The following FAS variants were observed in gnomAD, a reference collection of about 807,000 sequenced individuals.
FAS encodes the protein Fas cell surface death receptor.
FAS carries 5 observed loss-of-function variants against 33.2 expected under a neutral mutation model. The ratio of observed to expected loss-of-function variants is 0.15; its 90% CI spans 0.08 to 0.32. The LOEUF is 0.32. Ranked by LOEUF, FAS falls within the 10% of genes least tolerant of loss-of-function variation. FAS has a pLI of 1.00. For missense variants in FAS, 339 were observed against 386.0 expected (o/e 0.88, Z 1.02); for synonymous variants, 131 against 130.7 (o/e 1.00, Z -0.01).
chr10:88,993,200 C>T (rs186035382), intron 1 of FAS, among the ~76,000 whole-genome samples: 47 of 151,994 alleles, frequency 3.1e-4, no homozygotes, highest in African/African-American at 1.1e-3. Flanking sequence ...CCGACACTTA[C>T]AATAAAAAAG....
chr10:88,974,246 T>C (rs954657288), intron 2 of FAS: 1 of 149,292 alleles, frequency 6.7e-6, no homozygotes, highest in Non-Finnish European at 1.5e-5. Context: ...CTTGACTCTT[T>C]GGTGAAAAAA....
At chr10:88,990,595 C>T (rs902017811), upstream of FAS, 1 of 675,300 alleles carries the variant, frequency 1.5e-6, no homozygotes, top group South Asian at 1.5e-5. The surrounding 1 kb of genome is among the most constrained non-coding windows in gnomAD (Gnocchi z 4.9). Context: ...CGTTCCCCAG[C>T]GAGGCTTCCT....
chr10:89,009,451 T>A (rs1461095785), intron 4 of FAS, among the ~76,000 whole-genome samples: 1 of 152,180 alleles, frequency 6.6e-6, no homozygotes, highest in Non-Finnish European at 1.5e-5. Context: ...ATGGATGGAA[T>A]GCACATTATA....
intron 3 of FAS, 106 bp downstream of exon 3, chr10:89,007,943 C>A: frequency 1.3e-6 from 2 of 1,550,106 alleles, no homozygotes; most frequent in Non-Finnish European, 1.8e-6. Context: ...TATGTTGACA[C>A]ACAGGAAAGG....
Position 89,015,015 on chromosome 10 carries a change from A to C in FAS, c.*565A>C. On this transcript the variant is annotated 3_prime_UTR_variant, in exon 9 of 9. Coordinates refer to ENST00000652046, the MANE Select transcript of FAS (RefSeq NM_000043.6). ...ATTTAAATAAGGCTCTACCTCAAAG[A>C]CCTTTGCACAGTTTATTGGTGTCAT... 1.9e-6 allele frequency: 1 copy of C among 532,758 alleles called. No homozygotes were observed. The highest frequency in any genetic ancestry group is 3.6e-6 in the Non-Finnish European group (1 of 275,276). The allele number at this position is 532,758 out of a possible 1,614,324, so 33.0% of individuals were successfully genotyped here. A position where few individuals can be genotyped will look rare whatever the true frequency, so the allele number is the denominator to read the frequency against.
intron 1 of FAS, among the ~76,000 whole-genome samples, chr10:89,001,272 T>TC (rs1015378511): frequency 6.6e-6 from 1 of 151,944 alleles, no homozygotes; most frequent in African/African-American, 2.4e-5. Context: ...CCTTTTTTTT[T>TC]TTTTTTGTGC....
Position 88,990,831 on chromosome 10 carries a change from A to G in FAS, c.-46A>G, listed in dbSNP as rs1564669941. ...CCGCGGGTTGGTGGACCCGCTCAGT[A>G]CGGAGTTGGGGAAGCTCTTTCACTT... On this transcript the variant is annotated 5_prime_UTR_variant, in exon 1 of 9. Coordinates refer to ENST00000652046, the MANE Select transcript of FAS (RefSeq NM_000043.6). The surrounding 1 kb of genome is among the most constrained non-coding windows in gnomAD (Gnocchi z 4.9). The G allele has an allele frequency of 6.2e-7, 1 of 1,614,042 alleles. No homozygotes were observed. Among genetic ancestry groups the G allele is most frequent in the East Asian group, 2.2e-5 (1 of 44,876 alleles).
rs767866112 is a variant in FAS, at chr10:89,014,136, T to C, written c.694T>C (p.Tyr232His). ...TTTTTCAGATGTTGACTTGAGTAAA[T>C]ATATCACCACTATTGCTGGAGTCAT... is the stretch of plus-strand genomic sequence containing the variant. ...INLSDVDLSK[Y>H]ITTIAGVMTL... Residue 232 changes from tyrosine (Y) to histidine (H), a missense_variant, in exon 9 of 9, where the codon TAT (tyrosine) becomes CAT (histidine). Physicochemically the swap from Tyr to His is moderately conservative, Grantham distance 83 (BLOSUM62 2). Around this residue, in one of 3 missense-constraint regions of FAS, gnomAD observed 276 missense variants for 300.1 expected, o/e 0.92. Transcript: ENST00000652046. 18 of 1,613,526 alleles carry C rather than the reference T, an allele frequency of 1.1e-5. No homozygotes were observed. Among genetic ancestry groups the C allele is most frequent in the Non-Finnish European group, 1.5e-5 (18 of 1,179,886 alleles).
At chr10:88,989,479 T>C, upstream of FAS, 1 of 543,454 alleles carries the variant, frequency 1.8e-6, no homozygotes, top group Non-Finnish European at 3.6e-6. Flanking sequence ...ATGCTCAGAG[T>C]GTGTGCACAA....
At chr10:89,005,205 A>G (rs970287012) in intron 2 of FAS, among the ~76,000 whole-genome samples, 14 of 151,810 alleles carry the variant, frequency 9.2e-5, no homozygotes, top group African/African-American at 3.4e-4. Flanking sequence ...GAGGGAGGAG[A>G]AAAAAAGAAA....
intron 2 of FAS, among the ~76,000 whole-genome samples, chr10:88,978,070 TA>T (rs1846613954): frequency 1.7e-5 from 1 of 57,920 alleles, no homozygotes; most frequent in Non-Finnish European, 3.4e-5. Context: ...TATGCAGCCA[TA>T]AAAAATGATG....
At chr10:89,009,834 A>G (rs937421111) in intron 4 of FAS, among the ~76,000 whole-genome samples, 20 of 152,204 alleles carry the variant, frequency 1.3e-4, no homozygotes, top group Admixed American at 1.3e-3. Context: ...CAATAATAGT[A>G]ATTCCAAATA....
In FAS at chr10:89,010,521, C is replaced by T; in HGVS notation, c.444-18C>T. The T allele has an allele frequency of 6.2e-7, 1 of 1,608,844 alleles. No homozygotes were observed. The highest frequency in any genetic ancestry group is 8.5e-7 in the Non-Finnish European group (1 of 1,175,586). On this transcript the variant is annotated intron_variant, in intron 4 of 8. Coordinates refer to ENST00000652046, the MANE Select transcript of FAS (RefSeq NM_000043.6). The stretch of plus-strand genomic sequence containing the variant: ...ATTCTGCCAGGCTTTTGAATTTCTC[C>T]TGTATTTTTTTTTCTAGATGTGAAC...
At chr10:89,008,840 T>C in intron 3 of FAS, 49 bp from the exon 4 acceptor site, 1 of 1,555,122 alleles carries the variant, frequency 6.4e-7, no homozygotes, top group Non-Finnish European at 8.9e-7. Flanking sequence ...TTTCATAGTC[T>C]GCTTATAATT....
chr10:89,007,155 A>G (rs1848273941), intron 2 of FAS, among the ~76,000 whole-genome samples: 2 of 152,206 alleles, frequency 1.3e-5, no homozygotes, highest in South Asian at 4.1e-4. Context: ...AGGCTTGGAG[A>G]AAACAACACT....
intron 6 of FAS, among the ~76,000 whole-genome samples, chr10:89,011,485 C>T (rs1471769276): frequency 6.6e-6 from 1 of 152,162 alleles, no homozygotes; most frequent in African/African-American, 2.4e-5. Context: ...TTGCCTTTAG[C>T]GGTTGTTTAG....
chr10:89,013,233 A>G (rs1180792566), intron 7 of FAS, 110 bp from the exon 8 acceptor site: 18 of 1,007,294 alleles, frequency 1.8e-5, no homozygotes, highest in Non-Finnish European at 2.5e-5. Flanking sequence ...TACATCAAGC[A>G]ACTGATTGTA....
chr10:89,009,692 A>G (rs552968802), intron 4 of FAS, among the ~76,000 whole-genome samples: 1 of 152,138 alleles, frequency 6.6e-6, no homozygotes, highest in Non-Finnish European at 1.5e-5. Flanking sequence ...ATGATGCCTT[A>G]TGTTTTATTT....
rs1255795315 is a variant in FAS at position 89,010,793 on chromosome 10, G to A, written c.546G>A (p.Leu182=). 6.2e-7 allele frequency: 1 copy of A among 1,613,990 alleles called. No homozygotes were observed. The highest frequency in any genetic ancestry group is 8.5e-7 in the Non-Finnish European group (1 of 1,179,986). The stretch of plus-strand genomic sequence containing the variant: ...TGGGGTGGCTTTGTCTTCTTCTTTT[G>A]CCAATTCCACTAATTGTTTGGGGTA... ...SNLGWLCLLL[L]PIPLIVWVKR... The change falls in exon 6 of 9, where the codon TTG becomes TTA. Residue 182 remains leucine (L), a synonymous_variant. Transcript: ENST00000652046.
Sources: gnomAD v4.1 joint callset for allele counts (sites outside exome capture counted in the v4.1 genomes callset) on GRCh38, gnomAD v4.1.1 for gene constraint, gnomAD v4.1.1 regional missense constraint, Gnocchi (gnomAD v3.1) non-coding constraint, MANE v1.5 for transcripts, NCBI Gene and HGNC (gene_info 2026-07-23, HGNC 2026-07-21) for gene names.